The following SRCAP variants were observed in gnomAD, a reference collection of about 807,000 sequenced individuals.
The protein encoded by SRCAP is Snf2 related CREBBP activator protein.
In SRCAP, 46 loss-of-function variants were observed where a neutral mutation model predicts 263.1. The observed-to-expected ratio is 0.17, with a 90% CI of 0.14 to 0.22. The LOEUF is 0.22. SRCAP is among the 10% of genes least tolerant of loss of function. SRCAP has a pLI of 1.00. For missense variants in SRCAP, 3,695 were observed against 4,181.9 expected, an observed-to-expected ratio of 0.88 and a Z score of 3.21; for synonymous variants, 1,813 against 1,662.1, an observed-to-expected ratio of 1.09 and a Z score of -2.21.
In SRCAP at chr16:30,739,107, C is replaced by T; in HGVS notation, c.9067C>T (p.Pro3023Ser). The change falls in exon 34 of 34, where the codon CCC (proline) becomes TCC (serine). Residue 3023 changes from proline to serine, a missense_variant. By Grantham distance (74) the Pro-to-Ser change is moderately conservative. Coordinates refer to ENST00000262518, the MANE Select transcript of SRCAP (RefSeq NM_006662.3). ...NPPSPRPSQL[P>S]VLDRDSTSVL... Reference sequence around the variant, plus strand: ...TCCATCACCTCGGCCCAGCCAGCTCCCCGTCTTGGACCGTGACAGCACTTC... The same window carrying T: ...TCCATCACCTCGGCCCAGCCAGCTCTCCGTCTTGGACCGTGACAGCACTTC... 2 of 1,614,214 alleles carry T rather than the reference C, an allele frequency of 1.2e-6. No homozygotes were observed. Among genetic ancestry groups the T allele is most frequent in the South Asian group, 1.1e-5 (1 of 91,084 alleles).
rs1481644719 is a variant in SRCAP at position 30,739,586 on chromosome 16, A to G, written c.9546A>G (p.Glu3182=). 6.2e-7 allele frequency: 1 copy of G among 1,603,320 alleles called. No homozygotes were observed. The change falls in exon 34 of 34, where the codon GAA becomes GAG. Residue 3182 remains glutamate (E), a synonymous_variant. Coordinates refer to ENST00000262518, the MANE Select transcript of SRCAP (RefSeq NM_006662.3). ...SEAEASGEEE[E]GDGTPRRRPG... ...CTGAAGCCTCAGGTGAGGAGGAGGA[A>G]GGGGATGGGACCCCACGCCGACGTC...
chr16:30,732,544 T>C (rs1400418951), intron 27 of SRCAP, among the ~76,000 whole-genome samples: 1 of 152,216 alleles, frequency 6.6e-6, no homozygotes, highest in African/African-American at 2.4e-5. Context: ...AAGGTTGAAC[T>C]AGATAAACTT....
At chr16:30,711,454 C>G (rs996076813) in intron 10 of SRCAP, 117 bp from the exon 11 acceptor site, 32 of 1,087,314 alleles carry the variant, frequency 2.9e-5, no homozygotes, top group Non-Finnish European at 3.9e-5. Flanking sequence ...TTTTGCCTCC[C>G]CTCAGACCTG....
At position 30,722,254 on chromosome 16, in the gene SRCAP, A is replaced by T. The variant is rs2151293277; in HGVS notation, c.3674A>T (p.Gln1225Leu). The change falls in exon 22 of 34, where the codon CAG becomes CTG. Residue 1225 changes from glutamine (Q) to leucine (L), a missense_variant. Transcript: ENST00000262518. Reference sequence around the variant, plus strand: ...ACTTTGACTGGTGCCCAGGTGCGCCAGCTTGCTGTGGGGCAGCCCCGCCCG... The same window carrying T: ...ACTTTGACTGGTGCCCAGGTGCGCCTGCTTGCTGTGGGGCAGCCCCGCCCG... ...KLTLTGAQVR[Q>L]LAVGQPRPLQ... The T allele has an allele frequency of 6.2e-7, 1 of 1,614,140 alleles. No individual in the cohort carries two copies. The highest frequency in any genetic ancestry group is 1.1e-5 in the South Asian group (1 of 91,082).
rs1270339802 is a variant in SRCAP, at chr16:30,733,884, C to T, written c.6495-10C>T. On this transcript the variant is annotated splice_polypyrimidine_tract_variant and intron_variant, in intron 29 of 33. Coordinates refer to ENST00000262518, the MANE Select transcript of SRCAP (RefSeq NM_006662.3). This position sits in a 1 kb window ranked among gnomAD's most constrained non-coding sequence, Gnocchi z 5.3. ...TTGGCTGCTTACACACGGCCTTCAT[C>T]ACCCCCTAGGCTTATCAGTGAACGG... 8 of 1,613,306 alleles carry T rather than the reference C, an allele frequency of 5.0e-6. No homozygotes were observed. The Admixed American group carries it at 5.0e-5, about 10-fold the overall frequency.
Position 30,724,645 on chromosome 16 carries a change from G to C in SRCAP, c.5221G>C (p.Gly1741Arg). Residue 1741 changes from glycine (G) to arginine (R), a missense_variant, in exon 25 of 34, where the codon GGT (glycine) becomes CGT (arginine). By Grantham distance (125) the Gly-to-Arg change is moderately radical. Transcript: ENST00000262518. ...TLSLAPGPPL[G>R]PTQTLSLAPA... ...GTCTTTGGCACCAGGACCACCACTG[G>C]GTCCAACTCAGACGCTGTCTCTGGC... 6.2e-7 allele frequency: 1 copy of C among 1,614,008 alleles called. No homozygotes were observed. Among genetic ancestry groups the C allele is most frequent in the Non-Finnish European group, 8.5e-7 (1 of 1,180,014 alleles).
chr16:30,715,303 C>G (rs751478401), intron 16 of SRCAP, among the ~76,000 whole-genome samples: 1 of 151,590 alleles, frequency 6.6e-6, no homozygotes, highest in Non-Finnish European at 1.5e-5. Flanking sequence ...CGGTGGCTCA[C>G]GCCTGTAATC....
At chr16:30,709,305 C>T (rs989682241) in intron 6 of SRCAP, among the ~76,000 whole-genome samples, 8 of 152,052 alleles carry the variant, frequency 5.3e-5, no homozygotes, top group Non-Finnish European at 1.0e-4. Flanking sequence ...TGCAAACCTT[C>T]CCTCCACCTG....
rs778106954 is a variant in SRCAP, at chr16:30,720,919, G to A, written c.3194G>A (p.Arg1065Gln). The change falls in exon 20 of 34, where the codon CGG (arginine) becomes CAG (glutamine). Residue 1065 changes from arginine (R) to glutamine (Q), a missense_variant. Around this residue, in one of 12 missense-constraint regions of SRCAP, gnomAD observed 1,347 missense variants for 1,304.4 expected, o/e 1.03. Coordinates refer to ENST00000262518, the MANE Select transcript of SRCAP (RefSeq NM_006662.3). ...PAGPPLIPASRPPGPVLLPPL... is the reference protein window; with the variant it reads ...PAGPPLIPASQPPGPVLLPPL... ...GGGCCCCCGCTTATTCCTGCATCTC[G>A]GCCTCCTGGCCCTGTCCTCTTGCCT... 5.6e-6 allele frequency: 9 copies of A among 1,613,812 alleles called. No homozygotes were observed. Among genetic ancestry groups the A allele is most frequent in the South Asian group, 1.1e-5 (1 of 91,056 alleles).
At position 30,738,413 on chromosome 16, in the gene SRCAP, G is replaced by A. The variant is rs150187491; in HGVS notation, c.8373G>A (p.Pro2791=). 383 of 1,547,638 alleles carry A rather than the reference G, an allele frequency of 2.5e-4. 1 individual carries two copies. The highest frequency in any genetic ancestry group is 7.3e-4 in the African/African-American group (53 of 72,808). The change falls in exon 34 of 34, where the codon CCG becomes CCA. Residue 2791 remains proline, a synonymous_variant. Transcript: ENST00000262518. ...AGACTAGTGCCAGCCCGGGAAGCCC[G>A]TCTGTCCGCAGCATGTCAGGGCCAG... The part of the protein sequence containing the change: ...VSETSASPGS[P]SVRSMSGPES...
At chr16:30,729,630 CTG>C in intron 27 of SRCAP, 58 bp downstream of exon 27, 1 of 1,584,648 alleles carries the variant, frequency 6.3e-7, no homozygotes, top group South Asian at 1.1e-5. Flanking sequence ...AGTATTAAGA[CTG>C]TTGTATCAGA....
chr16:30,701,931 C>G (rs2052771334), intron 3 of SRCAP, among the ~76,000 whole-genome samples: 1 of 150,514 alleles, frequency 6.6e-6, no homozygotes, highest in Non-Finnish European at 1.5e-5. Flanking sequence ...CAGGCCTGGC[C>G]TATTTTCCAT....
chr16:30,735,567 C>CTTTTTTTTTTTTTTT (rs10663863), intron 31 of SRCAP, among the ~76,000 whole-genome samples: 2 of 69,588 alleles, frequency 2.9e-5, no homozygotes, highest in Admixed American at 2.3e-4. Flanking sequence ...TTTGACATTA[C>CTTTTTTTTTTTTTTT]TTTTTTTTTT....
intron 1 of SRCAP, 122 bp downstream of exon 1, chr16:30,699,364 C>G (rs1421045078): frequency 1.3e-5 from 5 of 394,402 alleles, no homozygotes; most frequent in Non-Finnish European, 2.2e-5. Context: ...TTCACACTGC[C>G]TGTTTCCGGC....
intron 16 of SRCAP, among the ~76,000 whole-genome samples, chr16:30,714,499 G>A (rs1178709412): frequency 2.9e-5 from 1 of 33,950 alleles, no homozygotes; most frequent in Admixed American, 3.5e-4. Flanking sequence ...GTGAGCCACC[G>A]TGCCGGGCTT....
chr16:30,738,209 C>T lies in SRCAP; in HGVS notation c.8169C>T (p.Arg2723=), dbSNP rs2053179973. ...CACCTGCCCGACCTCCTCGGCGTCGCACCAGTGCTGATGTGGAAATTAGGG... is the reference window on the plus strand; with the variant it reads ...CACCTGCCCGACCTCCTCGGCGTCGTACCAGTGCTGATGTGGAAATTAGGG... ...GPSPARPPRR[R]TSADVEIRGQ... Residue 2723 remains arginine (R), a synonymous_variant, in exon 34 of 34, where the codon CGC becomes CGT. Transcript: ENST00000262518. 2 of 1,614,088 alleles carry T rather than the reference C, an allele frequency of 1.2e-6. No homozygotes were observed. Among genetic ancestry groups the T allele is most frequent in the African/African-American group, 1.3e-5 (1 of 74,936 alleles).
intron 30 of SRCAP, chr16:30,734,248 C>A: frequency 1.6e-6 from 1 of 624,682 alleles, no homozygotes; most frequent in Non-Finnish European, 2.7e-6. Flanking sequence ...AAGGCTGAGG[C>A]AGGAGAATCA....
chr16:30,710,615 A>C, intron 8 of SRCAP, 139 bp from the exon 9 acceptor site: 1 of 921,438 alleles, frequency 1.1e-6, no homozygotes, highest in Non-Finnish European at 1.8e-6. Flanking sequence ...CCTTGATTGT[A>C]TTCTTGCCCT....
In SRCAP at chr16:30,728,610, A is replaced by G. The variant is rs546408185; in HGVS notation, c.5659-356A>G. On this transcript the variant is annotated intron_variant, in intron 25 of 33. Transcript: ENST00000262518. Reference sequence around the variant, plus strand: ...ATAGTCCTGGAGTTGAGTGTTACGTAGGAAAATACCCACAAATCGTCCATT... The same window carrying G: ...ATAGTCCTGGAGTTGAGTGTTACGTGGGAAAATACCCACAAATCGTCCATT... Among the ~76,000 whole-genome samples the G allele has an allele frequency of 3.5e-4, 54 of 152,348 alleles. 3 individuals carry two copies. The South Asian group carries it at 0.011, about 31-fold the overall frequency.
Sources: gnomAD v4.1 joint callset for allele counts (sites outside exome capture counted in the v4.1 genomes callset) on GRCh38, gnomAD v4.1.1 for gene constraint, gnomAD v4.1.1 regional missense constraint, Gnocchi (gnomAD v3.1) non-coding constraint, MANE v1.5 for transcripts, NCBI Gene and HGNC (gene_info 2026-07-23, HGNC 2026-07-21) for gene names.